CFAP95: variants seen among roughly 807,000 people sequenced by gnomAD.
CFAP95 encodes the protein cilia and flagella associated protein 95.
the CFAP95 span, among the ~76,000 whole-genome samples, chr9:69,836,689 CT>C: frequency 0.011 from 1,353 of 126,840 alleles, 22 homozygotes; most frequent in African/African-American, 0.037. Context: ...GCTTCAATTT[CT>C]TTTTTTTTTT....
the CFAP95 span, among the ~76,000 whole-genome samples, chr9:69,848,539 A>C: frequency 2.6e-5 from 4 of 152,198 alleles, no homozygotes; most frequent in African/African-American, 9.7e-5. Flanking sequence ...GGTCAAAGAT[A>C]AACATACCCA....
At chr9:69,855,269 AT>A in the CFAP95 span, among the ~76,000 whole-genome samples, 1 of 152,112 alleles carries the variant, frequency 6.6e-6, no homozygotes, top group African/African-American at 2.4e-5. Context: ...GTTTCATATG[AT>A]TTTCAAAGAG....
the CFAP95 span, among the ~76,000 whole-genome samples, chr9:69,855,253 A>G: frequency 3.9e-5 from 6 of 152,184 alleles, no homozygotes; most frequent in African/African-American, 1.4e-4. Context: ...GTTTGGCAAT[A>G]TCTTTGTTTC....
the CFAP95 span, among the ~76,000 whole-genome samples, chr9:69,873,187 G>C: frequency 6.6e-6 from 1 of 152,060 alleles, no homozygotes; most frequent in African/African-American, 2.4e-5. Context: ...TTGAACTTGG[G>C]GTTAGTTAGA....
At chr9:69,845,275 G>A in the CFAP95 span, among the ~76,000 whole-genome samples, 1 of 152,140 alleles carries the variant, frequency 6.6e-6, no homozygotes, top group African/African-American at 2.4e-5. Context: ...TCAGCATAAG[G>A]CAAGAGCTCA....
the CFAP95 span, among the ~76,000 whole-genome samples, chr9:69,840,244 T>A: frequency 6.6e-6 from 1 of 152,206 alleles, no homozygotes; most frequent in Non-Finnish European, 1.5e-5. Context: ...AGTCGTTCGA[T>A]GACTAAACAA....
At chr9:69,905,367 A>C in the CFAP95 span, among the ~76,000 whole-genome samples, 6 of 152,328 alleles carry the variant, frequency 3.9e-5, no homozygotes, top group South Asian at 1.2e-3. Context: ...AAGAATCAAT[A>C]TATCTTTTGG....
At chr9:69,832,345 A>G in the CFAP95 span, among the ~76,000 whole-genome samples, 1 of 152,192 alleles carries the variant, frequency 6.6e-6, no homozygotes, top group South Asian at 2.1e-4. Context: ...GTGTAAAACA[A>G]TCCTATAATA....
the CFAP95 span, among the ~76,000 whole-genome samples, chr9:69,841,902 C>T: frequency 6.6e-6 from 1 of 152,154 alleles, no homozygotes; most frequent in Non-Finnish European, 1.5e-5. Flanking sequence ...CACAGGGTGT[C>T]TCCCATGACA....
the CFAP95 span, among the ~76,000 whole-genome samples, chr9:69,843,494 T>A: frequency 1.6e-4 from 4 of 25,562 alleles, no homozygotes; most frequent in African/African-American, 8.8e-4. Context: ...CTCCTCTTCC[T>A]CCTCCTCCCC....
chr9:69,854,222 C>T, the CFAP95 span, among the ~76,000 whole-genome samples: 6 of 152,280 alleles, frequency 3.9e-5, no homozygotes, highest in South Asian at 6.2e-4. Context: ...GTCGAGTCTC[C>T]AACTTTCCAT....
At chr9:69,856,304 T>C in the CFAP95 span, among the ~76,000 whole-genome samples, 1 of 152,190 alleles carries the variant, frequency 6.6e-6, no homozygotes, top group Non-Finnish European at 1.5e-5. Flanking sequence ...AGTTAGTATA[T>C]TTAATTGAAT....
chr9:69,883,500 CA>C, the CFAP95 span, among the ~76,000 whole-genome samples: 2 of 152,110 alleles, frequency 1.3e-5, no homozygotes, highest in African/African-American at 4.8e-5. Context: ...TGGATTCAGG[CA>C]GTTTTTGATG....
chr9:69,891,959 C>A, the CFAP95 span, among the ~76,000 whole-genome samples: 1 of 152,110 alleles, frequency 6.6e-6, no homozygotes, highest in Non-Finnish European at 1.5e-5. Context: ...TAACAGCTGT[C>A]ATCAGTTTCT....
chr9:69,881,101 C>T, the CFAP95 span, among the ~76,000 whole-genome samples: 2 of 151,920 alleles, frequency 1.3e-5, no homozygotes, highest in South Asian at 2.1e-4. Flanking sequence ...ATATTTTCTC[C>T]AATTCTGTGG....
chr9:69,840,874 T>C, the CFAP95 span, among the ~76,000 whole-genome samples: 2 of 152,108 alleles, frequency 1.3e-5, no homozygotes, highest in African/African-American at 4.8e-5. Context: ...AAATGCCAGT[T>C]ACATTAGCTC....
the CFAP95 span, among the ~76,000 whole-genome samples, chr9:69,878,962 C>A: frequency 6.6e-6 from 1 of 152,218 alleles, no homozygotes; most frequent in African/African-American, 2.4e-5. Flanking sequence ...AGTTGGGGGG[C>A]AGGAGCTACA....
At chr9:69,867,237 A>G in the CFAP95 span, among the ~76,000 whole-genome samples, 1 of 152,198 alleles carries the variant, frequency 6.6e-6, no homozygotes. Context: ...TTGTAATTCA[A>G]ATAATTTGAT....
At chr9:69,880,553 T>G in the CFAP95 span, among the ~76,000 whole-genome samples, 1 of 152,240 alleles carries the variant, frequency 6.6e-6, no homozygotes, top group Non-Finnish European at 1.5e-5. Flanking sequence ...CTCTATCCAT[T>G]CACCTGTTGA....
Sources: allele counts gnomAD v4.1 joint callset (sites outside exome capture counted in the v4.1 genomes callset), GRCh38; gene constraint gnomAD v4.1.1; transcripts MANE v1.5; gene names NCBI Gene and HGNC (gene_info 2026-07-23, HGNC 2026-07-21).